SACS: variants seen among roughly 807,000 people sequenced by gnomAD.
SACS encodes sacsin molecular chaperone, also known as sacsin.
SACS carries 197 observed loss-of-function variants against 348.0 expected under a neutral mutation model. The observed-to-expected ratio is 0.57, with a 90% CI of 0.50 to 0.64. The LOEUF is 0.64. SACS is among the 30% of genes least tolerant of loss of function. The pLI, the probability that SACS is intolerant of heterozygous loss-of-function variation, is 0.00. For synonymous variants in SACS, 1,985 were observed against 1,910.6 expected (o/e 1.04, Z -1.02); for missense variants, 4,999 against 5,360.8 (o/e 0.93, Z 2.11).
intron 3 of SACS, chr13:23,374,036 T>G (rs1030947109): frequency 6.6e-6 from 1 of 152,212 alleles, no homozygotes; most frequent in African/African-American, 2.4e-5. Context: ...ACTCTGGTGA[T>G]GACATGGCTT....
chr13:23,347,142 T>C (rs1182037206), intron 9 of SACS, among the ~76,000 whole-genome samples: 1 of 152,220 alleles, frequency 6.6e-6, no homozygotes, highest in Non-Finnish European at 1.5e-5. Context: ...ATAACGTCAT[T>C]TGATAAGCTA....
chr13:23,368,988 CAT>C (rs1871229537), intron 4 of SACS, among the ~76,000 whole-genome samples: 1 of 152,178 alleles, frequency 6.6e-6, no homozygotes, highest in Non-Finnish European at 1.5e-5. Flanking sequence ...CGTGAGCCAC[CAT>C]GCCTGGCCTC....
chr13:23,333,778 A>G lies in SACS; in HGVS notation c.10098T>C (p.His3366=), dbSNP rs150213486. The change falls in exon 10 of 10, where the codon CAT becomes CAC. Residue 3366 remains histidine, a synonymous_variant. Transcript: ENST00000382292. Reference sequence around the variant, plus strand: ...TAAATGTTGAAGTTTGGACCATATAATGTAGAGCCTTCAAGATGCTTGTGG... The same window carrying G: ...TAAATGTTGAAGTTTGGACCATATAGTGTAGAGCCTTCAAGATGCTTGTGG... ...ESPTSILKAL[H]YMVQTSTFRA... 77 of 1,613,756 alleles carry G rather than the reference A, an allele frequency of 4.8e-5. No homozygotes were observed. The highest frequency in any genetic ancestry group is 6.2e-5 in the Non-Finnish European group (73 of 1,179,836).
Position 23,338,229 on chromosome 13 carries a change from G to A in SACS, c.5647C>T (p.Pro1883Ser), listed in dbSNP as rs773756447. 4.3e-6 allele frequency: 7 copies of A among 1,613,910 alleles called. No homozygotes were observed. The highest frequency in any genetic ancestry group is 1.1e-5 in the South Asian group (1 of 91,082). The change falls in exon 10 of 10, where the codon CCA (proline) becomes TCA (serine). Residue 1883 changes from proline (P) to serine (S), a missense_variant. Transcript: ENST00000382292. ...YLPLRIKTGL[P>S]VHINGCFAVT... is the part of the protein sequence containing the mutation. ...GCAAAGCACCCATTGATATGAACTGGCAAGCCTGTTTTTATTCGTAAAGGT... is the reference window on the plus strand; with the variant it reads ...GCAAAGCACCCATTGATATGAACTGACAAGCCTGTTTTTATTCGTAAAGGT...
At position 23,330,991 on chromosome 13, in the gene SACS, G is replaced by T; in HGVS notation, c.12885C>A (p.Pro4295=). ...GTAAAGAATTAACCTTAAGCTTTTT[G>T]GGGGACTGATGTTTGGAAGAAGTCT... ...SHKTSSKHQS[P]KKLKVNSLPE... is the part of the protein sequence containing the mutation. The change falls in exon 10 of 10, where the codon CCC becomes CCA. Residue 4295 remains proline, a synonymous_variant. Transcript: ENST00000382292. 6.2e-7 allele frequency: 1 copy of T among 1,613,962 alleles called. No homozygotes were observed. The highest frequency in any genetic ancestry group is 1.3e-5 in the African/African-American group (1 of 74,966).
intron 2 of SACS, among the ~76,000 whole-genome samples, chr13:23,410,309 A>G (rs1873429092): frequency 6.6e-6 from 1 of 152,230 alleles, no homozygotes. Context: ...AAGTCGTCTC[A>G]ATACTCTTGT....
chr13:23,407,498 C>T (rs1001019840), intron 2 of SACS, among the ~76,000 whole-genome samples: 3 of 152,236 alleles, frequency 2.0e-5, no homozygotes, highest in Non-Finnish European at 4.4e-5. Flanking sequence ...CACGCCCGGC[C>T]TGTTTTTCTT....
At position 23,338,783 on chromosome 13, in the gene SACS, A is replaced by C; in HGVS notation, c.5093T>G (p.Leu1698Trp). The C allele has an allele frequency of 1.2e-6, 2 of 1,611,334 alleles. No individual in the cohort carries two copies. Among genetic ancestry groups the C allele is most frequent in the East Asian group, 4.5e-5 (2 of 44,856 alleles). ...QSVKSMYLKY[L>W]KIEETNPSLA... Reference sequence around the variant, plus strand: ...ACTGGGGTTGGTTTCCTCAATTTTCAAGTACTTCAAATACATTGACTTTAC... The same window carrying C: ...ACTGGGGTTGGTTTCCTCAATTTTCCAGTACTTCAAATACATTGACTTTAC... Residue 1698 changes from leucine to tryptophan, a missense_variant, in exon 10 of 10, where the codon TTG (leucine) becomes TGG (tryptophan). Around this residue, in one of 6 missense-constraint regions of SACS, gnomAD observed 3,156 missense variants for 3,380.1 expected, o/e 0.93. Transcript: ENST00000382292.
chr13:23,358,396 C>T lies in SACS; in HGVS notation c.543G>A (p.Lys181=), dbSNP rs1487608603. The change falls in exon 7 of 10, where the codon AAG becomes AAA. Residue 181 remains lysine, a synonymous_variant. Transcript: ENST00000382292. The part of the protein sequence containing the change: ...GIQEIARSRK[K]DDPLKVGRFG... ...ATCTTCCGACCTTCAGAGGATCATC[C>T]TTTTTCCTGCTTCTTGCTATTTCTT... The T allele has an allele frequency of 6.2e-6, 10 of 1,614,144 alleles. No individual in the cohort carries two copies. Among genetic ancestry groups the T allele is most frequent in the Non-Finnish European group, 8.5e-6 (10 of 1,180,008 alleles).
Position 23,411,333 on chromosome 13 carries a change from T to C in SACS, c.-94A>G. The C allele has an allele frequency of 8.5e-7, 1 of 1,170,934 alleles. No homozygotes were observed. Among genetic ancestry groups the C allele is most frequent in the Non-Finnish European group, 1.3e-6 (1 of 779,414 alleles). The allele number at this position is 1,170,934 out of a possible 1,614,324, so 72.5% of individuals were successfully genotyped here. ...TCCCTCTGTGCTTCCTTTAAATGTG[T>C]ACTCCAAGTTCAGCTCTTCCTGCCA... On this transcript the variant is annotated 5_prime_UTR_variant, in exon 2 of 10. Coordinates refer to ENST00000382292, the MANE Select transcript of SACS (RefSeq NM_014363.6).
At chr13:23,364,391 C>T (rs1870933100) in intron 6 of SACS, among the ~76,000 whole-genome samples, 1 of 152,152 alleles carries the variant, frequency 6.6e-6, no homozygotes, top group Non-Finnish European at 1.5e-5. Context: ...AGCGATTCTC[C>T]GGCCTCAGCC....
At chr13:23,403,588 G>C (rs1873074996) in intron 2 of SACS, among the ~76,000 whole-genome samples, 1 of 152,184 alleles carries the variant, frequency 6.6e-6, no homozygotes. Flanking sequence ...TGTGGGATCA[G>C]TGGTGATATT....
chr13:23,378,326 T>A (rs1285929795), intron 2 of SACS, among the ~76,000 whole-genome samples: 1 of 152,132 alleles, frequency 6.6e-6, no homozygotes, highest in Non-Finnish European at 1.5e-5. Flanking sequence ...GACTTAGCAT[T>A]AGAAAGGAAA....
At position 23,413,164 on chromosome 13, in the gene SACS, G is replaced by C. The variant is rs567347754; in HGVS notation, c.-501-1424C>G. Among the ~76,000 whole-genome samples the C allele has an allele frequency of 7.3e-4, 111 of 152,204 alleles. 1 individual carries two copies. In the Middle Eastern group the frequency reaches 0.01, roughly 14 times the overall value. Reference sequence around the variant, plus strand: ...AGCTAATTTTGTATTTCTAGTAGAGGATGGGATTTCTCCACATTGGTCAGG... The same window carrying C: ...AGCTAATTTTGTATTTCTAGTAGAGCATGGGATTTCTCCACATTGGTCAGG... On this transcript the variant is annotated intron_variant, in intron 1 of 9. Coordinates refer to ENST00000382292, the MANE Select transcript of SACS (RefSeq NM_014363.6).
rs749219225 is a variant in SACS, at chr13:23,339,727, A to G, written c.4149T>C (p.His1383=). 45 of 1,614,030 alleles carry G rather than the reference A, an allele frequency of 2.8e-5. No individual in the cohort carries two copies. Among genetic ancestry groups the G allele is most frequent in the Non-Finnish European group, 3.7e-5 (44 of 1,180,004 alleles). ...TGATAAGTTTAGAAGGATTTTTGCT[A>G]TGATGTATAGGAACTGGTGTGTTGG... ...ASPNTPVPIH[H]SKNPSKLIMK... is the part of the protein sequence containing the mutation. Residue 1383 remains histidine (H), a synonymous_variant, in exon 10 of 10, where the codon CAT becomes CAC. Transcript: ENST00000382292.
In SACS at chr13:23,339,299, T is replaced by C. The variant is rs1292519779; in HGVS notation, c.4577A>G (p.Asn1526Ser). 1.2e-6 allele frequency: 2 copies of C among 1,609,058 alleles called. No homozygotes were observed. The highest frequency in any genetic ancestry group is 1.1e-5 in the South Asian group (1 of 90,002). ...ATCTGAATCTGAGAATTGAGAATTG[T>C]TGAATGACCACAAAGCAGGTCCATG... ...ACHGPALWSF[N>S]NSQFSDSDFV... Residue 1526 changes from asparagine to serine, a missense_variant, in exon 10 of 10, where the codon AAC (asparagine) becomes AGC (serine). Asn to Ser is a conservative substitution (Grantham distance 46). This residue lies in a region of SACS where 3,156 missense variants were observed against 3,380.1 expected (regional missense o/e 0.93). Coordinates refer to ENST00000382292, the MANE Select transcript of SACS (RefSeq NM_014363.6).
chr13:23,330,074 G>A lies in SACS; in HGVS notation c.*62C>T, dbSNP rs1883368345. ...CTAATTGGCAATGAAGCTTAATGAA[G>A]TACAGCAATTTATTCGTGCTACAAC... On this transcript the variant is annotated 3_prime_UTR_variant, in exon 10 of 10. Coordinates refer to ENST00000382292, the MANE Select transcript of SACS (RefSeq NM_014363.6). 3 of 1,431,760 alleles carry A rather than the reference G, an allele frequency of 2.1e-6. No homozygotes were observed. Among genetic ancestry groups the A allele is most frequent in the Non-Finnish European group, 1.9e-6 (2 of 1,026,092 alleles). 88.7% of individuals were successfully genotyped at this position (1,431,760 alleles called of 1,614,324 possible).
intron 2 of SACS, among the ~76,000 whole-genome samples, chr13:23,408,081 TAA>T (rs898979031): frequency 1.8e-4 from 27 of 152,280 alleles, no homozygotes; most frequent in African/African-American, 6.3e-4. Context: ...TAGTCCTGAG[TAA>T]AGTCTTCTTT....
At chr13:23,412,518 AT>A (rs1171427201) in intron 1 of SACS, among the ~76,000 whole-genome samples, 1 of 145,358 alleles carries the variant, frequency 6.9e-6, no homozygotes, top group Non-Finnish European at 1.5e-5. Context: ...AGTTCAAGTG[AT>A]TCTTCTGCCT....
Sources: gnomAD v4.1 joint callset for allele counts (sites outside exome capture counted in the v4.1 genomes callset) on GRCh38, gnomAD v4.1.1 for gene constraint, gnomAD v4.1.1 regional missense constraint, MANE v1.5 for transcripts, NCBI Gene and HGNC (gene_info 2026-07-23, HGNC 2026-07-21) for gene names.